The following ARHGAP10 variants were observed in gnomAD, a reference collection of about 807,000 sequenced individuals.
The protein encoded by ARHGAP10 is Rho GTPase activating protein 10, also known as rho GTPase-activating protein 10.
A neutral mutation model predicts 108.6 loss-of-function variants in ARHGAP10; 87 were observed. That is an observed-to-expected ratio of 0.80 (90% CI 0.67 to 0.96). ARHGAP10 has a LOEUF of 0.96. ARHGAP10 is among the 40% of genes least tolerant of loss of function. The pLI, the probability that ARHGAP10 is intolerant of heterozygous loss-of-function variation, is 0.00. For synonymous variants in ARHGAP10, 347 were observed against 341.1 expected, an observed-to-expected ratio of 1.02 and a Z score of -0.19; for missense variants, 939 against 954.5, an observed-to-expected ratio of 0.98 and a Z score of 0.21.
chr4:147,838,039 TC>T (rs1259694951), intron 3 of ARHGAP10, among the ~76,000 whole-genome samples: 2 of 152,174 alleles, frequency 1.3e-5, no homozygotes, highest in Non-Finnish European at 2.9e-5. Flanking sequence ...ATATTTAAAA[TC>T]AAATAATAGG....
At chr4:147,884,356 G>A (rs1359128791) in intron 10 of ARHGAP10, among the ~76,000 whole-genome samples, 1 of 152,176 alleles carries the variant, frequency 6.6e-6, no homozygotes, top group Admixed American at 6.5e-5. Context: ...TCTTGGAACA[G>A]GGGAGGACTT....
At chr4:147,995,816 A>C (rs1740451537) in intron 18 of ARHGAP10, among the ~76,000 whole-genome samples, 1 of 151,886 alleles carries the variant, frequency 6.6e-6, no homozygotes, top group Non-Finnish European at 1.5e-5. Context: ...TCCTGGGTTC[A>C]CGCCATTCTC....
At chr4:147,929,993 A>G (rs1476220678) in intron 13 of ARHGAP10, among the ~76,000 whole-genome samples, 3 of 152,214 alleles carry the variant, frequency 2.0e-5, no homozygotes, top group Admixed American at 6.5e-5. Context: ...ATGAAATGTT[A>G]GACTTTTGAT....
chr4:147,896,902 A>T (rs1042225414), intron 10 of ARHGAP10, among the ~76,000 whole-genome samples: 1 of 152,142 alleles, frequency 6.6e-6, no homozygotes, highest in African/African-American at 2.4e-5. Context: ...GATATTCCAC[A>T]TGTAATATTA....
At chr4:148,038,735 C>T (rs1254310653) in intron 19 of ARHGAP10, among the ~76,000 whole-genome samples, 1 of 152,160 alleles carries the variant, frequency 6.6e-6, no homozygotes, top group Non-Finnish European at 1.5e-5. Flanking sequence ...AATTCAGGCA[C>T]AAGGGGATAT....
rs1231266774 is a variant in ARHGAP10, at chr4:147,808,485, C to A, written c.155-14242C>A. ...TTATCCTGAATACAACAGAATGATA[C>A]TGAAGGTTTTAAGCAGGGGAGTAAG... On this transcript the variant is annotated intron_variant, in intron 1 of 22. Transcript: ENST00000336498. 3.3e-5 allele frequency among the ~76,000 whole-genome samples: 5 copies of A among 152,020 alleles called. No homozygotes were observed. The East Asian group carries it at 9.6e-4, about 29-fold the overall frequency.
chr4:147,918,766 A>G lies in ARHGAP10; in HGVS notation c.1228+5627A>G, dbSNP rs1737100581. On this transcript the variant is annotated intron_variant, in intron 13 of 22. Transcript: ENST00000336498. ...AAGCTATGATTGAGTGAGAAAAGAAAGAATATGTCATGTCTCTCACATGGG... is the reference window on the plus strand; with the variant it reads ...AAGCTATGATTGAGTGAGAAAAGAAGGAATATGTCATGTCTCTCACATGGG... 2.0e-5 allele frequency among the ~76,000 whole-genome samples: 3 copies of G among 152,212 alleles called. No homozygotes were observed. The South Asian group carries it at 6.2e-4, about 32-fold the overall frequency.
At chr4:147,998,052 A>G (rs1298291680) in intron 18 of ARHGAP10, among the ~76,000 whole-genome samples, 1 of 152,192 alleles carries the variant, frequency 6.6e-6, no homozygotes, top group African/African-American at 2.4e-5. Flanking sequence ...GTAACTGTAT[A>G]GCTGAGTCAG....
At chr4:148,010,763 T>G (rs1026598719) in intron 18 of ARHGAP10, among the ~76,000 whole-genome samples, 1 of 152,132 alleles carries the variant, frequency 6.6e-6, no homozygotes, top group African/African-American at 2.4e-5. Flanking sequence ...TTGAAGACTA[T>G]TGGGCTGAAT....
intron 19 of ARHGAP10, among the ~76,000 whole-genome samples, chr4:148,024,707 A>G (rs1434734023): frequency 2.0e-5 from 3 of 152,248 alleles, no homozygotes; most frequent in Non-Finnish European, 4.4e-5. Flanking sequence ...ACTCATTTCA[A>G]CTTCTGATCC....
intron 3 of ARHGAP10, among the ~76,000 whole-genome samples, chr4:147,832,910 T>G (rs910066676): frequency 6.6e-6 from 1 of 152,184 alleles, no homozygotes. Flanking sequence ...TTTTACTCTT[T>G]GGACAACTGT....
chr4:147,801,931 A>C (rs1731599898), intron 1 of ARHGAP10, among the ~76,000 whole-genome samples: 1 of 152,108 alleles, frequency 6.6e-6, no homozygotes, highest in Admixed American at 6.6e-5. Flanking sequence ...CCGGAGTTGA[A>C]CTCATCCCAA....
chr4:147,784,689 T>TATATATTATAAATATA (rs1560756559), intron 1 of ARHGAP10, among the ~76,000 whole-genome samples: 4 of 76,048 alleles, frequency 5.3e-5, no homozygotes, highest in African/African-American at 2.0e-4. Flanking sequence ...AAATATAAAA[T>TATATATTATAAATATA]ATATATTATA....
At chr4:147,793,118 C>T (rs926859446) in intron 1 of ARHGAP10, among the ~76,000 whole-genome samples, 12 of 151,252 alleles carry the variant, frequency 7.9e-5, no homozygotes, top group African/African-American at 1.9e-4. Flanking sequence ...CCAGCCTGGG[C>T]GACAGAGTGA....
chr4:147,833,582 T>C (rs139599714), intron 3 of ARHGAP10, among the ~76,000 whole-genome samples: 1 of 152,270 alleles, frequency 6.6e-6, no homozygotes, highest in East Asian at 1.9e-4. Context: ...TTCAGAGGAG[T>C]TGGACTTTGA....
intron 10 of ARHGAP10, among the ~76,000 whole-genome samples, chr4:147,886,756 A>T (rs1027734112): frequency 3.9e-5 from 6 of 152,046 alleles, no homozygotes; most frequent in Non-Finnish European, 8.8e-5. Flanking sequence ...GCCACTGATC[A>T]TACTGTGTTT....
intron 18 of ARHGAP10, among the ~76,000 whole-genome samples, chr4:148,001,481 T>C (rs941880326): frequency 2.0e-5 from 3 of 152,202 alleles, no homozygotes; most frequent in Non-Finnish European, 4.4e-5. Flanking sequence ...GGGGATGGCA[T>C]TGAATCTATA....
chr4:147,927,677 T>C (rs752901548), intron 13 of ARHGAP10, among the ~76,000 whole-genome samples: 2 of 152,168 alleles, frequency 1.3e-5, no homozygotes, highest in African/African-American at 2.4e-5. Flanking sequence ...TAAGCCAGAC[T>C]TATCCTATGG....
chr4:148,049,800 T>C (rs187742381), intron 20 of ARHGAP10, among the ~76,000 whole-genome samples: 1 of 146,388 alleles, frequency 6.8e-6, no homozygotes, highest in Admixed American at 6.8e-5. Context: ...AAATTGTTTT[T>C]TTTGTTTGTT....
Sources: allele counts gnomAD v4.1 joint callset (sites outside exome capture counted in the v4.1 genomes callset), GRCh38; gene constraint gnomAD v4.1.1; transcripts MANE v1.5; gene names NCBI Gene and HGNC (gene_info 2026-07-23, HGNC 2026-07-21).